Variants in CNTN5 observed in about 807,000 individuals in gnomAD.
The protein encoded by CNTN5 is contactin 5, also known as contactin-5.
A neutral mutation model predicts 129.1 loss-of-function variants in CNTN5; 77 were observed. That is an observed-to-expected ratio of 0.60 (90% CI 0.50 to 0.72). The LOEUF (loss-of-function observed/expected upper bound fraction) is 0.72. Ranked by LOEUF, CNTN5 falls within the 30% of genes least tolerant of loss-of-function variation. CNTN5 has a pLI of 0.00. For synonymous variants in CNTN5, 509 were observed against 465.6 expected (o/e 1.09, Z -1.20); for missense variants, 1,478 against 1,328.8 (o/e 1.11, Z -1.75).
At chr11:100,156,131 G>A (rs1228789468) in intron 13 of CNTN5, among the ~76,000 whole-genome samples, 1 of 152,114 alleles carries the variant, frequency 6.6e-6, no homozygotes, top group Non-Finnish European at 1.5e-5. Context: ...TATGATACTG[G>A]CTATGGGTTT....
chr11:99,465,691 T>C (rs748606209), intron 2 of CNTN5, among the ~76,000 whole-genome samples: 1 of 151,866 alleles, frequency 6.6e-6, no homozygotes, highest in Non-Finnish European at 1.5e-5. Context: ...AAGAAATACC[T>C]GAGATGGGGT....
At chr11:99,819,450 T>G (rs1435368247) in intron 3 of CNTN5, 94 bp from the exon 4 acceptor site, 39 of 1,093,784 alleles carry the variant, frequency 3.6e-5, no homozygotes, top group Non-Finnish European at 5.0e-5. Context: ...CCAAAGAAGG[T>G]TTTTAGTAAT....
At chr11:100,149,535 T>TTGAAA (rs1373815383) in intron 13 of CNTN5, among the ~76,000 whole-genome samples, 1 of 152,132 alleles carries the variant, frequency 6.6e-6, no homozygotes, top group African/African-American at 2.4e-5. Context: ...TTGAATTATT[T>TTGAAA]TGAAATGATA....
intron 1 of CNTN5, among the ~76,000 whole-genome samples, chr11:99,026,160 CA>C (rs1192070640): frequency 6.6e-6 from 1 of 151,582 alleles, no homozygotes; most frequent in Non-Finnish European, 1.5e-5. Context: ...GTTTCATGAT[CA>C]TTAAATATGA....
At chr11:100,158,457 T>C (rs558326810) in intron 13 of CNTN5, among the ~76,000 whole-genome samples, 2 of 152,038 alleles carry the variant, frequency 1.3e-5, no homozygotes, top group South Asian at 2.1e-4. Flanking sequence ...CAAAACTTCA[T>C]GTTGTTTACT....
chr11:100,146,311 C>A (rs1243404899), intron 13 of CNTN5, among the ~76,000 whole-genome samples: 1 of 152,128 alleles, frequency 6.6e-6, no homozygotes, highest in Non-Finnish European at 1.5e-5. Flanking sequence ...CATACAAGAT[C>A]TTTACTTTCT....
intron 2 of CNTN5, among the ~76,000 whole-genome samples, chr11:99,471,862 ATC>A (rs1238792230): frequency 6.6e-6 from 1 of 152,132 alleles, no homozygotes; most frequent in African/African-American, 2.4e-5. Flanking sequence ...CAGAAATTAT[ATC>A]TCTGTTTGTC....
intron 3 of CNTN5, among the ~76,000 whole-genome samples, chr11:99,737,289 ATTG>A (rs1943743876): frequency 6.6e-6 from 1 of 152,148 alleles, no homozygotes. Context: ...CTTCGTATTT[ATTG>A]TTCTCCTGAA....
intron 2 of CNTN5, among the ~76,000 whole-genome samples, chr11:99,457,076 A>T (rs1012881710): frequency 1.3e-5 from 2 of 152,008 alleles, no homozygotes; most frequent in Non-Finnish European, 2.9e-5. Flanking sequence ...AGGTTTCCAA[A>T]GTTATTTGGA....
At chr11:99,915,967 A>G in intron 6 of CNTN5, 87 bp from the exon 7 acceptor site, 1 of 1,014,886 alleles carries the variant, frequency 9.9e-7, no homozygotes, top group Non-Finnish European at 1.5e-6. Flanking sequence ...TGTGAAGATA[A>G]CGATAGAAAG....
chr11:99,632,103 C>G (rs1176197378), intron 3 of CNTN5, among the ~76,000 whole-genome samples: 1 of 151,782 alleles, frequency 6.6e-6, no homozygotes. Context: ...GAAGGTATAC[C>G]CTGCGAATAA....
chr11:100,127,686 C>G (rs1227738673), intron 13 of CNTN5, among the ~76,000 whole-genome samples: 6 of 102,510 alleles, frequency 5.9e-5, no homozygotes, highest in African/African-American at 2.3e-4. Context: ...GAGATGGAGT[C>G]TCTCTCTTGT....
chr11:99,036,088 GA>G (rs1314427014), intron 1 of CNTN5, among the ~76,000 whole-genome samples: 1 of 152,058 alleles, frequency 6.6e-6, no homozygotes, highest in Non-Finnish European at 1.5e-5. Context: ...TGAGAATGTT[GA>G]ATATTGGCCC....
At chr11:100,224,982 C>A in intron 16 of CNTN5, 170 bp downstream of exon 16, 1 of 573,650 alleles carries the variant, frequency 1.7e-6, no homozygotes, top group East Asian at 3.1e-5. Flanking sequence ...ACATGGAAAA[C>A]TCCTCCTTAG....
intron 8 of CNTN5, among the ~76,000 whole-genome samples, chr11:99,979,567 G>A (rs1938208083): frequency 6.6e-6 from 1 of 152,112 alleles, no homozygotes; most frequent in Non-Finnish European, 1.5e-5. Flanking sequence ...ATATGGAGGG[G>A]AGGTAGTTTA....
At chr11:99,342,597 A>C (rs1029207748) in intron 2 of CNTN5, among the ~76,000 whole-genome samples, 73 of 146,240 alleles carry the variant, frequency 5.0e-4, no homozygotes, top group Admixed American at 1.1e-3. Context: ...AAAAAAAAAA[A>C]AAAAAGCAGG....
intron 2 of CNTN5, among the ~76,000 whole-genome samples, chr11:99,380,506 A>T (rs1940474761): frequency 6.6e-6 from 1 of 152,130 alleles, no homozygotes; most frequent in Non-Finnish European, 1.5e-5. Flanking sequence ...ATGGTGGCTC[A>T]CGCCTGTAAT....
chr11:100,220,976 C>T (rs762979194), intron 15 of CNTN5, among the ~76,000 whole-genome samples: 5 of 152,174 alleles, frequency 3.3e-5, no homozygotes, highest in African/African-American at 4.8e-5. Context: ...CTTAATGATC[C>T]TTGGCTGCAC....
At chr11:99,263,213 G>C (rs1862726064) in intron 1 of CNTN5, among the ~76,000 whole-genome samples, 1 of 152,036 alleles carries the variant, frequency 6.6e-6, no homozygotes, top group Non-Finnish European at 1.5e-5. Flanking sequence ...TGTTTCCTGT[G>C]TGATGCCAAC....
Sources: allele counts gnomAD v4.1 joint callset (sites outside exome capture counted in the v4.1 genomes callset), GRCh38; gene constraint gnomAD v4.1.1; transcripts MANE v1.5; gene names NCBI Gene and HGNC (gene_info 2026-07-23, HGNC 2026-07-21).